Variants in CNTN6 observed in about 807,000 individuals in gnomAD.
The protein encoded by CNTN6 is contactin-6.
A neutral mutation model predicts 122.8 loss-of-function variants in CNTN6; 137 were observed. The observed-to-expected ratio is 1.12, with a 90% CI of 0.97 to 1.29. The LOEUF (loss-of-function observed/expected upper bound fraction) is 1.29, where lower values mean the gene tolerates loss of function less well. Ranked by LOEUF, CNTN6 falls within the 50% of genes most tolerant of loss-of-function variation. The pLI is 0.00. For missense variants in CNTN6, 1,634 were observed against 1,223.4 expected, an observed-to-expected ratio of 1.34 and a Z score of -5.01; for synonymous variants, 570 against 426.0, an observed-to-expected ratio of 1.34 and a Z score of -4.16.
chr3:1,396,270 T>C (rs1464086417), intron 20 of CNTN6, among the ~76,000 whole-genome samples: 1 of 152,152 alleles, frequency 6.6e-6, no homozygotes, highest in African/African-American at 2.4e-5. Flanking sequence ...TCTCAGCTTG[T>C]AGTACCCCTG....
intron 19 of CNTN6, among the ~76,000 whole-genome samples, chr3:1,384,324 C>G (rs887643007): frequency 4.6e-5 from 7 of 151,930 alleles, no homozygotes; most frequent in Admixed American, 4.6e-4. Flanking sequence ...AAGTCTGCTC[C>G]TCAATCATCT....
At chr3:1,391,710 C>T (rs1350164287) in intron 20 of CNTN6, among the ~76,000 whole-genome samples, 3 of 149,876 alleles carry the variant, frequency 2.0e-5, no homozygotes, top group African/African-American at 2.5e-5. Flanking sequence ...AGCAAAGTCT[C>T]AGGATACAAA....
intron 3 of CNTN6, 64 bp from the exon 4 acceptor site, chr3:1,227,754 T>C (rs1197904929): frequency 3.3e-6 from 5 of 1,525,920 alleles, no homozygotes; most frequent in African/African-American, 1.5e-5. Flanking sequence ...AACTACATGT[T>C]TTTTAAGACA....
At chr3:1,257,048 T>G (rs2094770950) in intron 4 of CNTN6, among the ~76,000 whole-genome samples, 1 of 152,166 alleles carries the variant, frequency 6.6e-6, no homozygotes, top group Non-Finnish European at 1.5e-5. Context: ...ATATTATGTA[T>G]TGCTTAATAT....
At chr3:1,126,797 T>A (rs2092177282) in intron 1 of CNTN6, among the ~76,000 whole-genome samples, 1 of 151,816 alleles carries the variant, frequency 6.6e-6, no homozygotes, top group Non-Finnish European at 1.5e-5. Flanking sequence ...ACTTCCTGTG[T>A]CCCTTCAACG....
chr3:1,340,719 C>T (rs902002366), intron 11 of CNTN6, among the ~76,000 whole-genome samples: 1 of 152,098 alleles, frequency 6.6e-6, no homozygotes, highest in Non-Finnish European at 1.5e-5. Flanking sequence ...TGCTATAATT[C>T]AGTAGCCAAA....
rs140413585 is a variant in CNTN6, at chr3:1,094,551, G to T, written c.-83+1431G>T. ...GCAAAAAAGTCAATCATTTATAAAT[G>T]ACTTCATTGCATTACTTCCTTTGAA... On this transcript the variant is annotated intron_variant, in intron 1 of 22. Coordinates refer to ENST00000446702, the MANE Select transcript of CNTN6 (RefSeq NM_001289080.2). 2.1e-4 allele frequency among the ~76,000 whole-genome samples: 32 copies of T among 152,116 alleles called. 1 individual carries two copies. The East Asian group carries it at 6.2e-3, about 29-fold the overall frequency.
At chr3:1,126,006 C>A (rs563879956) in intron 1 of CNTN6, among the ~76,000 whole-genome samples, 4 of 151,792 alleles carry the variant, frequency 2.6e-5, no homozygotes, top group African/African-American at 7.3e-5. Flanking sequence ...CTCTTTCCAC[C>A]GTTAACTATA....
chr3:1,294,496 G>A (rs1450951439), intron 5 of CNTN6, among the ~76,000 whole-genome samples: 3 of 152,272 alleles, frequency 2.0e-5, no homozygotes, highest in African/African-American at 7.2e-5. Flanking sequence ...ACTTGGGGAA[G>A]GATGGTTACA....
intron 2 of CNTN6, among the ~76,000 whole-genome samples, chr3:1,174,283 C>T (rs2093410787): frequency 6.6e-6 from 1 of 152,160 alleles, no homozygotes; most frequent in Admixed American, 6.6e-5. Context: ...ATTTGTACAT[C>T]TCTTCAGAGG....
chr3:1,372,983 A>G (rs1305080921), intron 14 of CNTN6, 28 bp downstream of exon 14: 1 of 1,286,136 alleles, frequency 7.8e-7, no homozygotes, highest in African/African-American at 1.5e-5. Flanking sequence ...AAAAGTGATC[A>G]CATTGTTTCT....
At chr3:1,337,405 T>C (rs544125780) in intron 11 of CNTN6, among the ~76,000 whole-genome samples, 1 of 152,136 alleles carries the variant, frequency 6.6e-6, no homozygotes, top group Non-Finnish European at 1.5e-5. Flanking sequence ...TACCCCCAAG[T>C]GCTCAGTCTT....
chr3:1,176,002 T>C (rs2093441488), intron 2 of CNTN6, among the ~76,000 whole-genome samples: 1 of 152,120 alleles, frequency 6.6e-6, no homozygotes, highest in Non-Finnish European at 1.5e-5. Context: ...TGGGGTGAGA[T>C]TGTAAGTGCT....
At chr3:1,353,487 G>C (rs913020544) in intron 12 of CNTN6, among the ~76,000 whole-genome samples, 6 of 151,552 alleles carry the variant, frequency 4.0e-5, no homozygotes, top group African/African-American at 1.5e-4. Context: ...ATAAAACTTG[G>C]TGTGTCAAAA....
intron 1 of CNTN6, among the ~76,000 whole-genome samples, chr3:1,110,764 G>C (rs2091444742): frequency 1.3e-5 from 2 of 152,076 alleles, no homozygotes; most frequent in Admixed American, 1.3e-4. Flanking sequence ...ATGTGCAGTT[G>C]AAGTCCTCCC....
intron 11 of CNTN6, among the ~76,000 whole-genome samples, chr3:1,333,909 T>C (rs1035823883): frequency 6.6e-6 from 1 of 152,128 alleles, no homozygotes; most frequent in African/African-American, 2.4e-5. Flanking sequence ...CACGCTCAGC[T>C]CTTCAGTTTT....
At chr3:1,245,273 ATAC>A (rs1421948300) in intron 4 of CNTN6, among the ~76,000 whole-genome samples, 262 of 9,128 alleles carry the variant, frequency 0.029, 55 homozygotes, top group African/African-American at 0.079. Context: ...ATATATATAT[ATAC>A]ACACACATAT....
At position 1,132,072 on chromosome 3, in the gene CNTN6, G is replaced by C. The variant is rs1019476234; in HGVS notation, c.-82-15855G>C. 3.2e-4 allele frequency among the ~76,000 whole-genome samples: 49 copies of C among 152,100 alleles called. 1 individual carries two copies. The highest frequency in any genetic ancestry group is 2.9e-5 in the Non-Finnish European group (2 of 68,010). ...ATATGTGCTTTTCTATATGCATTTA[G>C]TTTATTTATATGCGTACATCCTCTG... On this transcript the variant is annotated intron_variant, in intron 1 of 22. Transcript: ENST00000446702.
chr3:1,185,443 C>T (rs1426149141), intron 2 of CNTN6, among the ~76,000 whole-genome samples: 1 of 152,128 alleles, frequency 6.6e-6, no homozygotes, highest in Non-Finnish European at 1.5e-5. Flanking sequence ...TATTAAGAAC[C>T]TCCAGGGGTT....
Sources: gnomAD v4.1 joint callset for allele counts (sites outside exome capture counted in the v4.1 genomes callset) on GRCh38, gnomAD v4.1.1 for gene constraint, MANE v1.5 for transcripts, NCBI Gene and HGNC (gene_info 2026-07-23, HGNC 2026-07-21) for gene names.